TECPR2: variants seen among roughly 807,000 people sequenced by gnomAD.
TECPR2 encodes tectonin beta-propeller repeat-containing protein 2.
In TECPR2, 65 loss-of-function variants were observed where a neutral mutation model predicts 138.1. The ratio of observed to expected loss-of-function variants is 0.47; its 90% confidence interval spans 0.39 to 0.58. TECPR2 has a LOEUF of 0.58. TECPR2 is among the 20% of genes least tolerant of loss of function. TECPR2 has a pLI of 0.00. For missense variants in TECPR2, 1,553 were observed against 1,824.5 expected (o/e 0.85, Z 2.71); for synonymous variants, 746 against 749.8 (o/e 0.99, Z 0.08).
At chr14:102,461,010 T>G (rs1165212644) in intron 16 of TECPR2, among the ~76,000 whole-genome samples, 2 of 152,082 alleles carry the variant, frequency 1.3e-5, no homozygotes, top group African/African-American at 4.8e-5. Flanking sequence ...TTTTTTTTTT[T>G]AAATACAGCT....
chr14:102,391,448 G>A (rs1888173435), intron 2 of TECPR2, among the ~76,000 whole-genome samples: 1 of 152,144 alleles, frequency 6.6e-6, no homozygotes, highest in Admixed American at 6.5e-5. Context: ...TAGGAGAGTG[G>A]TTTTGGTGGG....
chr14:102,431,807 C>A lies in TECPR2; in HGVS notation c.1096C>A (p.Leu366Met), dbSNP rs773918767. Residue 366 changes from leucine (L) to methionine (M), a missense_variant, in exon 8 of 20, where the codon CTG (leucine) becomes ATG (methionine). By Grantham distance (15) the Leu-to-Met change is conservative (BLOSUM62 2). Transcript: ENST00000359520. The stretch of plus-strand genomic sequence containing the variant: ...CTCTTCTTTCTTAGTGAGAGATGGT[C>A]TGGAGATGTCTGGATGCTCAGAGCG... ...EGLTSTVRDG[L>M]EMSGCSERVH... is the part of the protein sequence containing the mutation. The A allele has an allele frequency of 1.9e-6, 3 of 1,568,138 alleles. No individual in the cohort carries two copies. Among genetic ancestry groups the A allele is most frequent in the Non-Finnish European group, 2.6e-6 (3 of 1,150,894 alleles).
At chr14:102,422,457 T>A (rs910028772) in intron 5 of TECPR2, among the ~76,000 whole-genome samples, 1 of 152,194 alleles carries the variant, frequency 6.6e-6, no homozygotes, top group Non-Finnish European at 1.5e-5. Context: ...GGACGCTGAG[T>A]AGGACGTACT....
chr14:102,454,554 T>A (rs1225534638), intron 16 of TECPR2, among the ~76,000 whole-genome samples: 1 of 152,192 alleles, frequency 6.6e-6, no homozygotes, highest in African/African-American at 2.4e-5. Context: ...TGACAGTGAC[T>A]GATAGACAAG....
chr14:102,376,772 C>T lies in TECPR2; in HGVS notation c.51C>T (p.Tyr17=). The T allele has an allele frequency of 6.2e-7, 1 of 1,614,222 alleles. No individual in the cohort carries two copies. The highest frequency in any genetic ancestry group is 8.5e-7 in the Non-Finnish European group (1 of 1,180,042). ...CATTCAGAGAGTTCTGCCCGTTGTACTATCTCCTCAATGCCATTCCGACAA... is the reference window on the plus strand; with the variant it reads ...CATTCAGAGAGTTCTGCCCGTTGTATTATCTCCTCAATGCCATTCCGACAA... ...PVTFREFCPL[Y]YLLNAIPTKI... Residue 17 remains tyrosine, a synonymous_variant, in exon 2 of 20, where the codon TAC becomes TAT. Transcript: ENST00000359520.
Position 102,438,052 on chromosome 14 carries a change from C to G in TECPR2, c.2425C>G (p.Pro809Ala). 2 of 1,614,094 alleles carry G rather than the reference C, an allele frequency of 1.2e-6. No individual in the cohort carries two copies. Among genetic ancestry groups the G allele is most frequent in the Non-Finnish European group, 1.7e-6 (2 of 1,179,996 alleles). Residue 809 changes from proline (P) to alanine (A), a missense_variant, in exon 10 of 20, where the codon CCC (proline) becomes GCC (alanine). Pro to Ala is a conservative substitution (Grantham distance 27). Transcript: ENST00000359520. Reference protein sequence around the residue: ...FAESWMGYSGPGYGILSLVVS... With the variant: ...FAESWMGYSGAGYGILSLVVS... ...AGAAAGCTGGATGGGCTACTCGGGT[C>G]CCGGCTATGGCATCCTCAGCTTGGT... is the stretch of plus-strand genomic sequence containing the variant.
chr14:102,458,639 C>T (rs1890331120), intron 16 of TECPR2, among the ~76,000 whole-genome samples: 1 of 152,054 alleles, frequency 6.6e-6, no homozygotes, highest in Non-Finnish European at 1.5e-5. Context: ...GAACTCCTGC[C>T]CTTCCCTAAT....
chr14:102,370,351 G>A (rs575424758), intron 1 of TECPR2, among the ~76,000 whole-genome samples: 316 of 152,250 alleles, frequency 2.1e-3, no homozygotes, highest in African/African-American at 3.7e-3. Context: ...GATTACACGC[G>A]TGAACCACCA....
intron 2 of TECPR2, among the ~76,000 whole-genome samples, chr14:102,384,669 A>T (rs921890734): frequency 7.6e-6 from 1 of 131,246 alleles, no homozygotes; most frequent in Non-Finnish European, 1.7e-5. Context: ...GGAGCAAGAC[A>T]CCACCTCAAA....
At chr14:102,423,027 C>G (rs1889226034) in intron 5 of TECPR2, among the ~76,000 whole-genome samples, 3 of 152,152 alleles carry the variant, frequency 2.0e-5, no homozygotes, top group Non-Finnish European at 2.9e-5. Context: ...GTTACAGGTG[C>G]CTACAGTGTT....
intron 12 of TECPR2, among the ~76,000 whole-genome samples, chr14:102,445,384 G>T (rs1398013742): frequency 6.7e-6 from 1 of 150,284 alleles, no homozygotes; most frequent in African/African-American, 2.4e-5. Flanking sequence ...GCGGGGGAAG[G>T]AGTAGAGAGA....
intron 17 of TECPR2, among the ~76,000 whole-genome samples, chr14:102,473,801 G>C (rs928839773): frequency 1.3e-5 from 2 of 152,168 alleles, no homozygotes; most frequent in Non-Finnish European, 2.9e-5. Context: ...AGAATTTTCT[G>C]TCTGTGTTAG....
chr14:102,402,836 C>G (rs1264862651), intron 2 of TECPR2, among the ~76,000 whole-genome samples: 1 of 152,028 alleles, frequency 6.6e-6, no homozygotes, highest in Non-Finnish European at 1.5e-5. Context: ...TGAGACTAAA[C>G]CGTGAAAAAA....
chr14:102,481,036 G>A (rs1370995902), intron 17 of TECPR2, among the ~76,000 whole-genome samples: 12 of 147,420 alleles, frequency 8.1e-5, no homozygotes, highest in African/African-American at 2.5e-4. Flanking sequence ...TTTTGAGACA[G>A]GGTCTCACTC....
intron 16 of TECPR2, among the ~76,000 whole-genome samples, chr14:102,461,347 T>C (rs1890405656): frequency 6.6e-6 from 1 of 152,228 alleles, no homozygotes; most frequent in Non-Finnish European, 1.5e-5. Context: ...TGTCAGTTTA[T>C]GCCGTTAGGT....
At chr14:102,426,842 G>C (rs1245645387) in intron 6 of TECPR2, among the ~76,000 whole-genome samples, 1 of 152,194 alleles carries the variant, frequency 6.6e-6, no homozygotes, top group Non-Finnish European at 1.5e-5. Flanking sequence ...CTGGGTGACA[G>C]AGCAAGACTT....
intron 5 of TECPR2, among the ~76,000 whole-genome samples, chr14:102,424,230 A>T (rs193042637): frequency 7.9e-4 from 120 of 152,344 alleles, no homozygotes; most frequent in African/African-American, 2.7e-3. Context: ...GCACAACGGT[A>T]AGTAATTGTA....
chr14:102,404,988 C>A (rs1198981631), intron 2 of TECPR2, among the ~76,000 whole-genome samples: 1 of 151,986 alleles, frequency 6.6e-6, no homozygotes, highest in African/African-American at 2.4e-5. Context: ...TGAAGTTGGA[C>A]CCTTACCTAA....
At chr14:102,473,896 T>C (rs1890699330) in intron 17 of TECPR2, among the ~76,000 whole-genome samples, 1 of 152,218 alleles carries the variant, frequency 6.6e-6, no homozygotes, top group African/African-American at 2.4e-5. Context: ...TGTCTGTTCT[T>C]ACTGTGCTTA....
Sources: gnomAD v4.1 joint callset for allele counts (sites outside exome capture counted in the v4.1 genomes callset) on GRCh38, gnomAD v4.1.1 for gene constraint, MANE v1.5 for transcripts, NCBI Gene and HGNC (gene_info 2026-07-23, HGNC 2026-07-21) for gene names.